CLASP2: variants seen among roughly 807,000 people sequenced by gnomAD.
The protein encoded by CLASP2 is CLIP-associating protein 2.
In CLASP2, 47 loss-of-function variants were observed where a neutral mutation model predicts 194.4. The observed-to-expected ratio is 0.24, with a 90% CI of 0.19 to 0.31. The LOEUF (loss-of-function observed/expected upper bound fraction) is 0.31. Ranked by LOEUF, CLASP2 falls within the 10% of genes least tolerant of loss-of-function variation. The pLI, the probability that CLASP2 is intolerant of heterozygous loss-of-function variation, is 1.00. For missense variants in CLASP2, 1,445 were observed against 1,823.6 expected, an observed-to-expected ratio of 0.79 and a Z score of 3.78; for synonymous variants, 619 against 633.5, an observed-to-expected ratio of 0.98 and a Z score of 0.34.
In CLASP2 at chr3:33,560,822, G is replaced by C. The variant is rs770262450; in HGVS notation, c.2916C>G (p.Ala972=). 1.9e-6 allele frequency: 3 copies of C among 1,613,244 alleles called. No homozygotes were observed. The African/African-American group carries it at 4.0e-5, about 22-fold the overall frequency. ...LGSVQAKVQK[A]LDVTRESFPN... ...AAAAATATTACCTTGTAACATCAAG[G>C]GCTTTCTGAACTTTTGCCTGAACAG... The change falls in exon 28 of 39, where the codon GCC becomes GCG. Residue 972 remains alanine, a synonymous_variant. Transcript: ENST00000682230.
At chr3:33,629,246 T>C (rs2078618813) in intron 9 of CLASP2, among the ~76,000 whole-genome samples, 1 of 152,158 alleles carries the variant, frequency 6.6e-6, no homozygotes, top group Non-Finnish European at 1.5e-5. Flanking sequence ...TTTTTTAAAC[T>C]GAAGAACCCA....
At chr3:33,635,553 G>A (rs561720787) in intron 8 of CLASP2, among the ~76,000 whole-genome samples, 8 of 152,200 alleles carry the variant, frequency 5.3e-5, no homozygotes, top group Non-Finnish European at 1.2e-4. Flanking sequence ...TGCAGGGATA[G>A]ACCAACTAAC....
chr3:33,539,195 A>C (rs2057904475), intron 32 of CLASP2, among the ~76,000 whole-genome samples: 1 of 152,218 alleles, frequency 6.6e-6, no homozygotes, highest in Non-Finnish European at 1.5e-5. Context: ...ACCTTGAAAA[A>C]TGTTCTGATT....
intron 9 of CLASP2, among the ~76,000 whole-genome samples, chr3:33,629,087 T>C: frequency 6.6e-6 from 1 of 152,012 alleles, no homozygotes; most frequent in East Asian, 1.9e-4. Flanking sequence ...TGTTTCAATG[T>C]AAGAATAAGC....
Position 33,576,207 on chromosome 3 carries a change from T to C in CLASP2, c.2416A>G (p.Thr806Ala), listed in dbSNP as rs373710625. 2 of 1,613,864 alleles carry C rather than the reference T, an allele frequency of 1.2e-6. No homozygotes were observed. The highest frequency in any genetic ancestry group is 1.3e-5 in the African/African-American group (1 of 75,038). Residue 806 changes from threonine (T) to alanine (A), a missense_variant, in exon 24 of 39, where the codon ACA becomes GCA. Thr to Ala is a moderately conservative substitution (Grantham distance 58). Transcript: ENST00000682230. ...SSVSAMRVLN[T>A]GSDVEEAVAD... ...ACCGCCTCCTCCACATCAGAACCTGTGTTCAGGACTCGCATGGCACTAACA... is the reference window on the plus strand; with the variant it reads ...ACCGCCTCCTCCACATCAGAACCTGCGTTCAGGACTCGCATGGCACTAACA...
At chr3:33,529,478 T>C (rs998599217) in intron 34 of CLASP2, among the ~76,000 whole-genome samples, 6 of 146,674 alleles carry the variant, frequency 4.1e-5, no homozygotes, top group Admixed American at 2.9e-4. Flanking sequence ...AACAGGCACA[T>C]AGACCACTGA....
At chr3:33,558,936 C>T (rs2154175512) in intron 29 of CLASP2, 1 of 255,352 alleles carries the variant, frequency 3.9e-6, no homozygotes, top group Admixed American at 5.3e-5. Context: ...TAATGTGATG[C>T]CTTCCAAACG....
At chr3:33,537,472 C>G (rs1426343221) in intron 33 of CLASP2, among the ~76,000 whole-genome samples, 1 of 152,164 alleles carries the variant, frequency 6.6e-6, no homozygotes, top group Non-Finnish European at 1.5e-5. Context: ...ACAATGAATT[C>G]CACAGGAACT....
At chr3:33,642,983 G>A (rs897790379) in intron 8 of CLASP2, among the ~76,000 whole-genome samples, 5 of 151,786 alleles carry the variant, frequency 3.3e-5, no homozygotes, top group Admixed American at 2.6e-4. Context: ...TGCTTAGATG[G>A]CTGATAAAAT....
intron 27 of CLASP2, among the ~76,000 whole-genome samples, chr3:33,561,889 C>G (rs2061846994): frequency 6.6e-6 from 1 of 151,954 alleles, no homozygotes; most frequent in Non-Finnish European, 1.5e-5. Context: ...ACATTTTGAT[C>G]ACAGATTAAA....
intron 14 of CLASP2, among the ~76,000 whole-genome samples, chr3:33,607,849 C>A (rs2074236269): frequency 6.6e-6 from 1 of 151,998 alleles, no homozygotes; most frequent in Non-Finnish European, 1.5e-5. Context: ...TGTGATCTGA[C>A]CAAATTTGAA....
At chr3:33,510,472 T>C in intron 37 of CLASP2, 86 bp downstream of exon 37, 2 of 1,224,850 alleles carry the variant, frequency 1.6e-6, no homozygotes, top group South Asian at 1.3e-5. Context: ...GGCTTGATCA[T>C]GCCAGTAATG....
At chr3:33,500,892 C>G (rs1006381914) in intron 38 of CLASP2, among the ~76,000 whole-genome samples, 1 of 152,160 alleles carries the variant, frequency 6.6e-6, no homozygotes, top group Non-Finnish European at 1.5e-5. Flanking sequence ...GAACAAACTT[C>G]TAATTCAAAA....
At chr3:33,707,797 G>A (rs1031321142) in intron 1 of CLASP2, among the ~76,000 whole-genome samples, 2 of 151,922 alleles carry the variant, frequency 1.3e-5, no homozygotes, top group Non-Finnish European at 2.9e-5. Context: ...GATCCAGACT[G>A]TGGGAAAATC....
At chr3:33,510,793 A>T (rs1173671976) in intron 36 of CLASP2, 29 bp from the exon 37 acceptor site, 1 of 1,549,978 alleles carries the variant, frequency 6.5e-7, no homozygotes, top group Non-Finnish European at 8.8e-7. Flanking sequence ...TAAGCCAGAA[A>T]GTAATTTTTA....
intron 2 of CLASP2, among the ~76,000 whole-genome samples, chr3:33,692,529 G>A (rs988874172): frequency 1.3e-5 from 2 of 152,144 alleles, no homozygotes; most frequent in Non-Finnish European, 2.9e-5. Flanking sequence ...CTACCTTGAA[G>A]TCAAATAGAA....
At chr3:33,651,578 C>T (rs887625864) in intron 7 of CLASP2, among the ~76,000 whole-genome samples, 6 of 151,590 alleles carry the variant, frequency 4.0e-5, no homozygotes, top group African/African-American at 1.5e-4. Flanking sequence ...TTATATTAAT[C>T]ACACCTTGTC....
At chr3:33,591,209 A>C (rs536685202) in intron 21 of CLASP2, among the ~76,000 whole-genome samples, 9 of 152,316 alleles carry the variant, frequency 5.9e-5, no homozygotes, top group African/African-American at 2.2e-4. Context: ...GAAGCACATG[A>C]ATAACTCCTA....
Position 33,501,649 on chromosome 3 carries a change from T to C in CLASP2, c.4434+3A>G, listed in dbSNP as rs2154071349. On this transcript the variant is annotated splice_donor_region_variant and intron_variant, in intron 38 of 38. Coordinates refer to ENST00000682230, the MANE Select transcript of CLASP2 (RefSeq NM_001365631.1). Reference sequence around the variant, plus strand: ...ATCTCTAAAACACAGCAGCACTACTTACTTTACTGCCAGTAAGTTGACTGA... The same window carrying C: ...ATCTCTAAAACACAGCAGCACTACTCACTTTACTGCCAGTAAGTTGACTGA... 3 of 1,580,874 alleles carry C rather than the reference T, an allele frequency of 1.9e-6. No homozygotes were observed. In the East Asian group the frequency reaches 6.7e-5, roughly 35 times the overall value.
Sources: allele counts gnomAD v4.1 joint callset (sites outside exome capture counted in the v4.1 genomes callset), GRCh38; gene constraint gnomAD v4.1.1; transcripts MANE v1.5; gene names NCBI Gene and HGNC (gene_info 2026-07-23, HGNC 2026-07-21).